The following ABR variants were observed in gnomAD, a reference collection of about 807,000 sequenced individuals.
The protein encoded by ABR is active breakpoint cluster region-related protein.
ABR carries 35 observed loss-of-function variants against 107.2 expected under a neutral mutation model. That is an observed-to-expected ratio of 0.33 (90% confidence interval 0.25 to 0.43). The LOEUF (loss-of-function observed/expected upper bound fraction) is 0.43, where lower values mean the gene tolerates loss of function less well. Among genes scored for constraint, ABR ranks in the 20% least tolerant of loss-of-function variants. ABR has a pLI of 1.00. For missense variants in ABR, 815 were observed against 1,115.2 expected (o/e 0.73, Z 3.83); for synonymous variants, 498 against 462.0 (o/e 1.08, Z -1.00).
chr17:1,115,597 T>A (rs953769388), intron 2 of ABR, among the ~76,000 whole-genome samples: 1 of 152,256 alleles, frequency 6.6e-6, no homozygotes, highest in East Asian at 1.9e-4. Context: ...CTAGTACAGG[T>A]CACTCCAAAA....
chr17:1,010,540 C>T lies in ABR; in HGVS notation c.2236+189G>A. The T allele has an allele frequency of 4.3e-6, 3 of 702,074 alleles. No homozygotes were observed. Among genetic ancestry groups the T allele is most frequent in the South Asian group, 3.8e-5 (2 of 52,446 alleles). The allele number at this position is 702,074 out of a possible 1,614,324, so 43.5% of individuals were successfully genotyped here. On this transcript the variant is annotated intron_variant, in intron 20 of 22. Coordinates refer to ENST00000302538, the MANE Select transcript of ABR (RefSeq NM_021962.5). The surrounding 1 kb of genome is among the most constrained non-coding windows in gnomAD (Gnocchi z 4.1). ...GGGGCAAGAGGCAGGCGAGAAAGGGCCCAGTGTCTGCACCAGGTCCCAGCA... is the reference window on the plus strand; with the variant it reads ...GGGGCAAGAGGCAGGCGAGAAAGGGTCCAGTGTCTGCACCAGGTCCCAGCA...
In ABR at chr17:1,050,155, G is replaced by T. The variant is rs75677643; in HGVS notation, c.1686C>A (p.Ser562=). 25 of 1,613,880 alleles carry T rather than the reference G, an allele frequency of 1.5e-5. No individual in the cohort carries two copies. The African/African-American group carries it at 3.3e-4, about 22-fold the overall frequency. The change falls in exon 16 of 23, where the codon TCC becomes TCA. Residue 562 remains serine, a synonymous_variant. Coordinates refer to ENST00000302538, the MANE Select transcript of ABR (RefSeq NM_021962.5). The surrounding 1 kb of genome is among the most constrained non-coding windows in gnomAD (Gnocchi z 4.6). ...DEEFEIELEG[S]QSLRILCYEK... The stretch of plus-strand genomic sequence containing the variant: ...CATAGCACAGGATCCTCAGGGACTG[G>T]GAGCCCTCCAGCTCGATCTCAAACT...
Position 1,038,582 on chromosome 17 carries a change from C to T in ABR, c.1791+11468G>A, listed in dbSNP as rs1202291193. On this transcript the variant is annotated intron_variant, in intron 16 of 22. Coordinates refer to ENST00000302538, the MANE Select transcript of ABR (RefSeq NM_021962.5). ...GAGGGCGTGAACACGGTGTGCCCATCCCTCCCTGCCCCAGCCCAAAGCTAC... is the reference window on the plus strand; with the variant it reads ...GAGGGCGTGAACACGGTGTGCCCATTCCTCCCTGCCCCAGCCCAAAGCTAC... Among the ~76,000 whole-genome samples, 8 of 152,190 alleles carry T rather than the reference C, an allele frequency of 5.3e-5. No individual in the cohort carries two copies. The East Asian group carries it at 1.5e-3, about 29-fold the overall frequency.
chr17:1,011,860 G>T lies in ABR; in HGVS notation c.2087C>A (p.Ala696Asp). 6.3e-7 allele frequency: 1 copy of T among 1,584,898 alleles called. No homozygotes were observed. The highest frequency in any genetic ancestry group is 8.6e-7 in the Non-Finnish European group (1 of 1,159,394). The stretch of plus-strand genomic sequence containing the variant: ...CCCAGACTCACTGGCATCGAAGACG[G>T]CCTTGAGCGCCTGGATGTCCGTGGC... ...GVATDIQALKAVFDANNKDIL... is the reference protein window; with the variant it reads ...GVATDIQALKDVFDANNKDIL... The change falls in exon 19 of 23, where the codon GCC becomes GAC. Residue 696 changes from alanine (A) to aspartate (D), a missense_variant. By Grantham distance (126) the Ala-to-Asp change is moderately radical. Transcript: ENST00000302538. The surrounding 1 kb of genome is among the most constrained non-coding windows in gnomAD (Gnocchi z 4.8).
At chr17:1,009,064 G>A (rs537802314) in intron 21 of ABR, among the ~76,000 whole-genome samples, 2 of 152,244 alleles carry the variant, frequency 1.3e-5, no homozygotes, top group East Asian at 3.9e-4. Context: ...TTTTTTGACT[G>A]TGGCCCACAA....
chr17:1,021,559 A>C (rs1291573153), intron 16 of ABR, among the ~76,000 whole-genome samples: 1 of 152,152 alleles, frequency 6.6e-6, no homozygotes, highest in Non-Finnish European at 1.5e-5. Context: ...TCATCCCAGC[A>C]CTTTGGGAGG....
chr17:1,020,111 T>G (rs1439444485), intron 16 of ABR, among the ~76,000 whole-genome samples: 2 of 149,858 alleles, frequency 1.3e-5, no homozygotes, highest in Admixed American at 6.7e-5. Context: ...TGAGACGGAG[T>G]CGCACTCTGT....
chr17:1,228,644 C>T (rs1179502370), intron 1 of ABR: 1 of 152,192 alleles, frequency 6.6e-6, no homozygotes, highest in African/African-American at 2.4e-5. Context: ...CTTTGGGGTA[C>T]ACGGGCGCAG....
intron 16 of ABR, among the ~76,000 whole-genome samples, chr17:1,044,310 C>G (rs2031210871): frequency 6.6e-6 from 1 of 152,172 alleles, no homozygotes; most frequent in South Asian, 2.1e-4. Flanking sequence ...TTGCTGGTGT[C>G]CATTTCCTTC....
intron 1 of ABR, among the ~76,000 whole-genome samples, chr17:1,173,189 T>G (rs982641090): frequency 4.5e-5 from 2 of 44,428 alleles, no homozygotes; most frequent in Non-Finnish European, 8.3e-5. Context: ...ACACATCACC[T>G]CAGTCAACGC....
chr17:1,127,698 C>T (rs555610225), intron 1 of ABR, among the ~76,000 whole-genome samples: 3 of 152,262 alleles, frequency 2.0e-5, no homozygotes, highest in South Asian at 4.1e-4. Context: ...AGATTCCAGC[C>T]GGCCAAGCAG....
chr17:1,135,801 G>C (rs1402557205), intron 1 of ABR, among the ~76,000 whole-genome samples: 2 of 152,138 alleles, frequency 1.3e-5, no homozygotes, highest in African/African-American at 4.8e-5. Flanking sequence ...ACTTGAACCC[G>C]GGAGGCGGAG....
intron 12 of ABR, 195 bp downstream of exon 12, chr17:1,057,775 T>C (rs2033504367): frequency 3.6e-6 from 2 of 553,914 alleles, no homozygotes; most frequent in South Asian, 2.0e-5. Context: ...GACTAAATCA[T>C]CATGTCTTTC....
intron 16 of ABR, among the ~76,000 whole-genome samples, chr17:1,041,580 A>G (rs1360025698): frequency 6.6e-6 from 1 of 152,132 alleles, no homozygotes; most frequent in Non-Finnish European, 1.5e-5. Context: ...TAAAAATACG[A>G]AAATTAGCTG....
chr17:1,182,020 G>T (rs2042150866), upstream of ABR: 1 of 152,190 alleles, frequency 6.6e-6, no homozygotes, highest in Admixed American at 6.5e-5. Context: ...AAATGTGGCA[G>T]TTGCTTTCCT....
chr17:1,135,725 A>G (rs1597935400), intron 1 of ABR, among the ~76,000 whole-genome samples: 1 of 152,166 alleles, frequency 6.6e-6, no homozygotes, highest in East Asian at 1.9e-4. Context: ...AAAATACAAA[A>G]ATCAGCTGGG....
chr17:1,208,046 C>T (rs897794648), intron 1 of ABR, among the ~76,000 whole-genome samples: 3 of 152,130 alleles, frequency 2.0e-5, no homozygotes, highest in African/African-American at 7.2e-5. Flanking sequence ...GCTGGGATTA[C>T]AGGCCGGAGC....
upstream of ABR, among the ~76,000 whole-genome samples, chr17:1,187,845 G>T (rs2042343148): frequency 2.0e-5 from 3 of 152,118 alleles, no homozygotes; most frequent in South Asian, 6.2e-4. Flanking sequence ...AGTGAGCCGA[G>T]ATCATGCCAC....
At chr17:1,022,770 C>T (rs2071797475) in intron 16 of ABR, among the ~76,000 whole-genome samples, 1 of 152,256 alleles carries the variant, frequency 6.6e-6, no homozygotes, top group Non-Finnish European at 1.5e-5. Flanking sequence ...GTGTGCCCAC[C>T]TGCCATACCC....
Sources: gnomAD v4.1 joint callset for allele counts (sites outside exome capture counted in the v4.1 genomes callset) on GRCh38, gnomAD v4.1.1 for gene constraint, Gnocchi (gnomAD v3.1) non-coding constraint, MANE v1.5 for transcripts, NCBI Gene and HGNC (gene_info 2026-07-23, HGNC 2026-07-21) for gene names.